NEK4: variants seen among roughly 807,000 people sequenced by gnomAD.
The protein encoded by NEK4 is serine/threonine-protein kinase Nek4.
A neutral mutation model predicts 98.4 loss-of-function variants in NEK4; 86 were observed. The ratio of observed to expected loss-of-function variants is 0.87; its 90% CI spans 0.73 to 1.05. The LOEUF is 1.05. Among genes scored for constraint, NEK4 ranks in the 50% least tolerant of loss-of-function variants. NEK4 has a pLI of 0.00. For missense variants in NEK4, 898 were observed against 950.3 expected (o/e 0.94, Z 0.72); for synonymous variants, 328 against 342.2 (o/e 0.96, Z 0.46).
intron 15 of NEK4, among the ~76,000 whole-genome samples, chr3:52,713,573 T>A (rs2154101734): frequency 6.6e-6 from 1 of 151,972 alleles, no homozygotes; most frequent in Middle Eastern, 3.4e-3. Context: ...GGCAGGCGGA[T>A]CACCTGAGGT....
intron 6 of NEK4, among the ~76,000 whole-genome samples, chr3:52,757,555 CAAAAAAAAAAAA>C (rs541943769): frequency 1.4e-5 from 1 of 72,206 alleles, no homozygotes; most frequent in South Asian, 5.6e-4. Context: ...GACTCCGTCT[CAAAAAAAAAAAA>C]AAAAAGAAAA....
In NEK4 at chr3:52,752,331, T is replaced by A. The variant is rs1356545832; in HGVS notation, c.969A>T (p.Glu323Asp). Reference sequence around the variant, plus strand: ...GTTTCTCCTGGGACAAACATTTGCCTTCACCCTGAATGAAAAGATGTTTGG... The same window carrying A: ...GTTTCTCCTGGGACAAACATTTGCCATCACCCTGAATGAAAAGATGTTTGG... ...SEGSQTYIMG[E>D]GKCLSQEKPR... The change falls in exon 7 of 16, where the codon GAA (glutamate) becomes GAT (aspartate). Residue 323 changes from glutamate (E) to aspartate (D), a missense_variant. Transcript: ENST00000233027. 6.2e-7 allele frequency: 1 copy of A among 1,609,774 alleles called. No individual in the cohort carries two copies. Among genetic ancestry groups the A allele is most frequent in the South Asian group, 1.1e-5 (1 of 90,626 alleles).
intron 13 of NEK4, among the ~76,000 whole-genome samples, chr3:52,741,000 C>T (rs1230965592): frequency 2.0e-5 from 3 of 151,194 alleles, no homozygotes; most frequent in Admixed American, 6.6e-5. Context: ...TTTGGGAGGC[C>T]GAGGTGGGCA....
chr3:52,763,609 T>C lies in NEK4; in HGVS notation c.682A>G (p.Arg228Gly). 5 of 1,596,040 alleles carry C rather than the reference T, an allele frequency of 3.1e-6. No homozygotes were observed. In the African/African-American group the frequency reaches 5.4e-5, roughly 17 times the overall value. The change falls in exon 5 of 16, where the codon AGA (arginine) becomes GGA (glycine). Residue 228 changes from arginine (R) to glycine (G), a missense_variant. Transcript: ENST00000233027. Reference protein sequence around the residue: ...IIEGKLPPMPRDYSPELAELI... With the variant: ...IIEGKLPPMPGDYSPELAELI... Reference sequence around the variant, plus strand: ...TCTGCCAGCTCTGGGCTGTAATCTCTTGGCATTGGTGGCAGCTACAAATAA... The same window carrying C: ...TCTGCCAGCTCTGGGCTGTAATCTCCTGGCATTGGTGGCAGCTACAAATAA...
chr3:52,751,634 A>AG (rs2097405275), intron 7 of NEK4, among the ~76,000 whole-genome samples: 1 of 151,878 alleles, frequency 6.6e-6, no homozygotes, highest in Admixed American at 6.6e-5. Flanking sequence ...AAAAAAAAAG[A>AG]GAAAAAAAGA....
At chr3:52,764,968 G>A (rs1169590539) in intron 4 of NEK4, among the ~76,000 whole-genome samples, 1 of 152,174 alleles carries the variant, frequency 6.6e-6, no homozygotes, top group Non-Finnish European at 1.5e-5. Context: ...TTACTTTTGT[G>A]TGTGTTTTTC....
At chr3:52,718,108 A>G (rs2097356854) in intron 15 of NEK4, among the ~76,000 whole-genome samples, 1 of 151,984 alleles carries the variant, frequency 6.6e-6, no homozygotes, top group Admixed American at 6.6e-5. Context: ...TTATTTAATT[A>G]TTTTTAAATT....
intron 5 of NEK4, among the ~76,000 whole-genome samples, chr3:52,761,664 G>A (rs1351456776): frequency 6.6e-6 from 1 of 152,142 alleles, no homozygotes; most frequent in Non-Finnish European, 1.5e-5. Context: ...AATCACAGAA[G>A]AAACTAGATG....
chr3:52,747,073 T>C (rs1270850673), intron 8 of NEK4, among the ~76,000 whole-genome samples, 169 bp from the exon 9 acceptor site: 1 of 152,180 alleles, frequency 6.6e-6, no homozygotes, highest in Non-Finnish European at 1.5e-5. Flanking sequence ...AGTTCTAAAA[T>C]GACCCATCAC....
At chr3:52,726,158 T>C (rs1273187056) in intron 15 of NEK4, among the ~76,000 whole-genome samples, 2 of 152,164 alleles carry the variant, frequency 1.3e-5, no homozygotes, top group African/African-American at 4.8e-5. Context: ...AGAACAATTA[T>C]TAACATTTAT....
intron 6 of NEK4, chr3:52,754,669 AAGAAG>A: frequency 3.2e-6 from 2 of 617,056 alleles, no homozygotes; most frequent in Non-Finnish European, 3.1e-6. Context: ...TCTTTCAGTA[AAGAAG>A]AGAAAACAGT....
Position 52,746,781 on chromosome 3 carries a change from T to C in NEK4, c.1630A>G (p.Thr544Ala). The C allele has an allele frequency of 1.9e-6, 3 of 1,614,124 alleles. No homozygotes were observed. Among genetic ancestry groups the C allele is most frequent in the East Asian group, 2.2e-5 (1 of 44,888 alleles). ...TGTCTCTTTTCCCCTCTGTGCTCAG[T>C]CTGTTCTCTCCTCTTTTGCCGTCGC... is the stretch of plus-strand genomic sequence containing the variant. ...RQRRQKRREQ[T>A]EHRGEKRQVR... The change falls in exon 9 of 16, where the codon ACT becomes GCT. Residue 544 changes from threonine to alanine, a missense_variant. By Grantham distance (58) the Thr-to-Ala change is moderately conservative (BLOSUM62 0). Transcript: ENST00000233027.
rs566330205 is a variant in NEK4 at position 52,763,864 on chromosome 3, G to C, written c.667-240C>G. 2.0e-5 allele frequency among the ~76,000 whole-genome samples: 3 copies of C among 152,334 alleles called. 1 individual carries two copies. The highest frequency in any genetic ancestry group is 1.5e-5 in the Non-Finnish European group (1 of 68,024). ...TGATGACACTCTCATTCAGAAATAA[G>C]AGTATGAGTTTCCTAAAGACTTATG... On this transcript the variant is annotated intron_variant, in intron 4 of 15. Transcript: ENST00000233027.
chr3:52,764,309 AGAAAC>A (rs1451060660), intron 4 of NEK4, among the ~76,000 whole-genome samples: 5 of 150,100 alleles, frequency 3.3e-5, no homozygotes, highest in Non-Finnish European at 5.9e-5. Flanking sequence ...AAGAAAGAAA[AGAAAC>A]GAAACTAGGC....
chr3:52,717,095 G>A (rs1282328101), intron 15 of NEK4, among the ~76,000 whole-genome samples: 2 of 152,076 alleles, frequency 1.3e-5, no homozygotes, highest in Non-Finnish European at 2.9e-5. Context: ...TCTACTTTGG[G>A]TACAGGACTG....
At chr3:52,752,927 T>TACACACACACACACACACACAC (rs1299044456) in intron 6 of NEK4, among the ~76,000 whole-genome samples, 14 of 45,660 alleles carry the variant, frequency 3.1e-4, no homozygotes, top group African/African-American at 9.3e-4. Flanking sequence ...AATATATATA[T>TACACACACACACACACACACAC]ATATATACAC....
intron 5 of NEK4, among the ~76,000 whole-genome samples, chr3:52,761,811 T>G (rs1221298244): frequency 2.0e-5 from 3 of 152,240 alleles, no homozygotes; most frequent in African/African-American, 4.8e-5. Flanking sequence ...ATTTTACATG[T>G]CTGTAATAAT....
chr3:52,731,667 G>C (rs959845070), intron 15 of NEK4, among the ~76,000 whole-genome samples: 5 of 152,190 alleles, frequency 3.3e-5, no homozygotes, highest in African/African-American at 1.2e-4. Context: ...ATGAGACCTG[G>C]AAGTGGATCA....
chr3:52,733,992 C>G (rs2097372403), intron 15 of NEK4: 1 of 183,218 alleles, frequency 5.5e-6, no homozygotes, highest in Non-Finnish European at 1.1e-5. Context: ...AGCCTCAGTA[C>G]TCATCTACTG....
Sources: gnomAD v4.1 joint callset for allele counts (sites outside exome capture counted in the v4.1 genomes callset) on GRCh38, gnomAD v4.1.1 for gene constraint, MANE v1.5 for transcripts, NCBI Gene and HGNC (gene_info 2026-07-23, HGNC 2026-07-21) for gene names.